The following STARD13 variants were observed in gnomAD, a reference collection of about 807,000 sequenced individuals.
STARD13 encodes stAR-related lipid transfer protein 13.
In STARD13, 62 loss-of-function variants were observed where a neutral mutation model predicts 106.4. That is an observed-to-expected ratio of 0.58 (90% CI 0.48 to 0.72). The LOEUF is 0.72. Ranked by LOEUF, STARD13 falls within the 30% of genes least tolerant of loss-of-function variation. The pLI is 0.00. For missense variants in STARD13, 1,387 were observed against 1,424.0 expected, an observed-to-expected ratio of 0.97 and a Z score of 0.42; for synonymous variants, 565 against 553.0, an observed-to-expected ratio of 1.02 and a Z score of -0.31.
chr13:33,634,923 G>T, the STARD13 span, among the ~76,000 whole-genome samples: 1 of 152,188 alleles, frequency 6.6e-6, no homozygotes, highest in African/African-American at 2.4e-5. Context: ...AATGTCCCCT[G>T]CAGATGCCTG....
the STARD13 span, among the ~76,000 whole-genome samples, chr13:33,414,032 CAAA>C: frequency 2.1e-5 from 1 of 48,174 alleles, no homozygotes; most frequent in African/African-American, 9.1e-5. Flanking sequence ...GATTCCCTCT[CAAA>C]AAAAAAAAAA....
chr13:33,379,129 C>T, the STARD13 span, among the ~76,000 whole-genome samples: 3 of 152,168 alleles, frequency 2.0e-5, no homozygotes, highest in South Asian at 6.2e-4. Flanking sequence ...AAACAAGAAA[C>T]GTGATCTGAC....
At chr13:33,158,687 A>G (rs1452476726) in intron 3 of STARD13, 2 of 152,242 alleles carry the variant, frequency 1.3e-5, no homozygotes, top group African/African-American at 4.8e-5. Flanking sequence ...ATGACTTACC[A>G]TAGGAGTGGC....
the STARD13 span, among the ~76,000 whole-genome samples, chr13:33,648,205 C>T: frequency 6.6e-6 from 1 of 152,134 alleles, no homozygotes; most frequent in Non-Finnish European, 1.5e-5. Flanking sequence ...TGGAAAGTAA[C>T]TAAGGAAGGT....
intron 7 of STARD13, among the ~76,000 whole-genome samples, chr13:33,124,476 A>T (rs1209234906): frequency 6.6e-6 from 1 of 152,136 alleles, no homozygotes; most frequent in East Asian, 1.9e-4. Flanking sequence ...ACTGTTTTTC[A>T]TCTTGGCATT....
chr13:33,379,384 T>G, the STARD13 span, among the ~76,000 whole-genome samples: 1 of 152,232 alleles, frequency 6.6e-6, no homozygotes, highest in Non-Finnish European at 1.5e-5. Context: ...AAATCAGATC[T>G]CTTTACAATG....
chr13:33,364,775 G>A, the STARD13 span, among the ~76,000 whole-genome samples: 3 of 152,316 alleles, frequency 2.0e-5, no homozygotes, highest in South Asian at 6.2e-4. Context: ...TGTAGTCCCA[G>A]CTACTCGGGA....
chr13:33,596,519 T>G, the STARD13 span, among the ~76,000 whole-genome samples: 1 of 152,178 alleles, frequency 6.6e-6, no homozygotes, highest in Non-Finnish European at 1.5e-5. Flanking sequence ...TTTAGGACAT[T>G]TATCACCTCA....
chr13:33,209,693 C>T (rs971954843), intron 1 of STARD13, among the ~76,000 whole-genome samples: 2 of 152,128 alleles, frequency 1.3e-5, no homozygotes, highest in African/African-American at 4.8e-5. Flanking sequence ...GAGTCCAAGA[C>T]AAGCTGTAGT....
chr13:33,191,109 G>A (rs1886228445), intron 1 of STARD13, among the ~76,000 whole-genome samples: 1 of 152,126 alleles, frequency 6.6e-6, no homozygotes, highest in African/African-American at 2.4e-5. Flanking sequence ...ACTAAAGTAA[G>A]GTCATGTCAA....
intron 1 of STARD13, among the ~76,000 whole-genome samples, chr13:33,231,571 G>A (rs1888923583): frequency 6.6e-6 from 1 of 152,150 alleles, no homozygotes; most frequent in Non-Finnish European, 1.5e-5. Context: ...GCATCATCTT[G>A]AGTTGAAGGT....
the STARD13 span, among the ~76,000 whole-genome samples, chr13:33,370,745 A>T: frequency 1.3e-5 from 2 of 150,870 alleles, no homozygotes; most frequent in Admixed American, 1.3e-4. Flanking sequence ...CAGCCTCCCA[A>T]GTGGCTGGGA....
At chr13:33,311,451 G>C (rs1893135199) in intron 1 of STARD13, among the ~76,000 whole-genome samples, 1 of 152,144 alleles carries the variant, frequency 6.6e-6, no homozygotes. Flanking sequence ...AAAGAACTGG[G>C]TTCAAATCCC....
chr13:33,634,963 A>C, the STARD13 span, among the ~76,000 whole-genome samples: 1 of 152,240 alleles, frequency 6.6e-6, no homozygotes, highest in Non-Finnish European at 1.5e-5. Flanking sequence ...GAAGGGCAGG[A>C]GAGAGGCAGC....
intron 1 of STARD13, among the ~76,000 whole-genome samples, chr13:33,233,467 C>T (rs879663507): frequency 3.9e-5 from 6 of 152,192 alleles, no homozygotes; most frequent in African/African-American, 9.7e-5. Context: ...TCAGGGAAGA[C>T]GACCTGCCCT....
chr13:33,545,252 G>C, the STARD13 span, among the ~76,000 whole-genome samples: 3 of 152,014 alleles, frequency 2.0e-5, no homozygotes, highest in Non-Finnish European at 4.4e-5. Flanking sequence ...GAGCCACCGC[G>C]CCTGGCCTAA....
chr13:33,129,619 C>A lies in STARD13; in HGVS notation c.1058G>T (p.Cys353Phe). Residue 353 changes from cysteine (C) to phenylalanine (F), a missense_variant, in exon 5 of 14, where the codon TGC becomes TTC. Transcript: ENST00000336934. ...VSTPCLKERK[C>F]HEANKRGGMY... ...GCCCCCGCGCTTGTTGGCCTCGTGG[C>A]ACTTGCGTTCCTTCAGGCAGGGCGT... The A allele has an allele frequency of 6.2e-7, 1 of 1,614,026 alleles. No individual in the cohort carries two copies. The highest frequency in any genetic ancestry group is 8.5e-7 in the Non-Finnish European group (1 of 1,180,024).
chr13:33,453,343 G>A, the STARD13 span, among the ~76,000 whole-genome samples: 1 of 152,142 alleles, frequency 6.6e-6, no homozygotes, highest in Non-Finnish European at 1.5e-5. Flanking sequence ...ACCAAGTTCT[G>A]GACACATCGC....
At chr13:33,301,731 C>A (rs1318788154) in intron 1 of STARD13, among the ~76,000 whole-genome samples, 9 of 152,102 alleles carry the variant, frequency 5.9e-5, no homozygotes, top group Non-Finnish European at 1.5e-5. Flanking sequence ...CCATGCCTGG[C>A]TAATATTTTT....
Sources: allele counts gnomAD v4.1 joint callset (sites outside exome capture counted in the v4.1 genomes callset), GRCh38; gene constraint gnomAD v4.1.1; transcripts MANE v1.5; gene names NCBI Gene and HGNC (gene_info 2026-07-23, HGNC 2026-07-21).